Variants in PRSS3 observed in about 807,000 individuals in gnomAD.
PRSS3 encodes trypsin-3.
In PRSS3, 14 loss-of-function variants were observed where a neutral mutation model predicts 20.8. That is an observed-to-expected ratio of 0.67 (90% confidence interval 0.44 to 1.05). The LOEUF is 1.05. Ranked by LOEUF, PRSS3 falls within the 50% of genes least tolerant of loss-of-function variation. The pLI is 0.00. For missense variants in PRSS3, 237 were observed against 306.4 expected (o/e 0.77, Z 1.69); for synonymous variants, 91 against 117.6 (o/e 0.77, Z 1.46).
chr9:33,754,056 CTTCTT>C (rs977393529), intron 1 of PRSS3, among the ~76,000 whole-genome samples: 26 of 151,698 alleles, frequency 1.7e-4, no homozygotes, highest in South Asian at 2.1e-4. Context: ...TCTTTTCTCT[CTTCTT>C]TTCTTTTCTT....
intron 1 of PRSS3, among the ~76,000 whole-genome samples, chr9:33,758,756 G>C (rs979715363): frequency 2.0e-5 from 3 of 152,110 alleles, no homozygotes; most frequent in African/African-American, 7.2e-5. Context: ...AAATAGTGAT[G>C]GTACCAACAA....
intron 1 of PRSS3, among the ~76,000 whole-genome samples, chr9:33,753,348 G>GA (rs964135688): frequency 9.2e-5 from 14 of 151,626 alleles, no homozygotes; most frequent in South Asian, 6.2e-4. Flanking sequence ...GTTTTTCAAA[G>GA]AAAAAAAACG....
chr9:33,794,112 C>A (rs1319212442), upstream of PRSS3, among the ~76,000 whole-genome samples: 7 of 137,204 alleles, frequency 5.1e-5, no homozygotes, highest in Admixed American at 7.4e-5. Context: ...CCCACATTCG[C>A]ATTTTTTCCA....
chr9:33,797,320 G>A (rs953246292), intron 2 of PRSS3, among the ~76,000 whole-genome samples: 9 of 152,266 alleles, frequency 5.9e-5, no homozygotes, highest in African/African-American at 2.2e-4. Context: ...CCAAGGTTCT[G>A]ATCAGCGGGT....
rs1824948078 is a variant in PRSS3, at chr9:33,796,512, A to G, written c.41-131A>G. 19 of 1,353,114 alleles carry G rather than the reference A, an allele frequency of 1.4e-5. No individual in the cohort carries two copies. In the South Asian group the frequency reaches 2.5e-4, roughly 18 times the overall value. The allele number at this position is 1,353,114 out of a possible 1,614,324, so 83.8% of individuals were successfully genotyped here. Reference sequence around the variant, plus strand: ...TCCAGTGATGCTCACCAGGGGTGGCAGCGCTCCCTCCCTTGCCTGGCCTCA... The same window carrying G: ...TCCAGTGATGCTCACCAGGGGTGGCGGCGCTCCCTCCCTTGCCTGGCCTCA... On this transcript the variant is annotated intron_variant, in intron 1 of 4. Coordinates refer to ENST00000379405, the MANE Select transcript of PRSS3 (RefSeq NM_002771.4).
At chr9:33,770,379 G>A (rs535098153) in intron 1 of PRSS3, among the ~76,000 whole-genome samples, 15 of 152,264 alleles carry the variant, frequency 9.9e-5, no homozygotes, top group Admixed American at 3.9e-4. Context: ...TGGTTTAGAC[G>A]ATACTTACAT....
At chr9:33,787,132 T>C (rs1824445539) in intron 1 of PRSS3, among the ~76,000 whole-genome samples, 1 of 152,154 alleles carries the variant, frequency 6.6e-6, no homozygotes, top group South Asian at 2.1e-4. Flanking sequence ...ATAAAAACAA[T>C]CAGATACAGT....
chr9:33,775,253 G>A (rs1198820758), intron 1 of PRSS3, among the ~76,000 whole-genome samples: 9 of 152,024 alleles, frequency 5.9e-5, no homozygotes, highest in South Asian at 2.1e-4. Flanking sequence ...GGCTGCTCCC[G>A]TCACCCCCCA....
intron 1 of PRSS3, among the ~76,000 whole-genome samples, chr9:33,751,379 G>T (rs1288104067): frequency 6.6e-6 from 1 of 152,210 alleles, no homozygotes; most frequent in Non-Finnish European, 1.5e-5. Flanking sequence ...GGATGGAAGC[G>T]GATGTCAGGC....
intron 1 of PRSS3, among the ~76,000 whole-genome samples, chr9:33,777,044 C>G (rs1426436718): frequency 6.6e-6 from 1 of 152,056 alleles, no homozygotes; most frequent in Non-Finnish European, 1.5e-5. Flanking sequence ...AATCTTCAAA[C>G]AGCCAGAGAA....
At position 33,769,585 on chromosome 9, in the gene PRSS3, C is replaced by T. The variant is rs140595523; in HGVS notation, c.-53+18858C>T. 3.1e-3 allele frequency among the ~76,000 whole-genome samples: 477 copies of T among 152,328 alleles called. 6 individuals are homozygous for T. The highest frequency in any genetic ancestry group is 0.01 in the African/African-American group (435 of 41,570). ...AATTCTGCAGGACCAGCCAGTACAG[C>T]GATATGGCTATGATCATGAGTTATC... On this transcript the variant is annotated intron_variant, in intron 1 of 5. Transcript: ENST00000342836.
chr9:33,751,714 T>G (rs1018144388), intron 1 of PRSS3, among the ~76,000 whole-genome samples: 1 of 152,166 alleles, frequency 6.6e-6, no homozygotes, highest in African/African-American at 2.4e-5. Context: ...ACACTGATTT[T>G]ATAGAAAGGA....
At chr9:33,782,447 G>T (rs941853338) in intron 1 of PRSS3, among the ~76,000 whole-genome samples, 2 of 152,072 alleles carry the variant, frequency 1.3e-5, no homozygotes, top group African/African-American at 4.8e-5. Context: ...ATTTTAAAAA[G>T]ACTAAATATG....
rs1443244173 is a variant in PRSS3 at position 33,750,801 on chromosome 9, C to G, written c.-53+74C>G. On this transcript the variant is annotated intron_variant, in intron 1 of 5. Transcript: ENST00000342836. The surrounding 1 kb of genome is among the most constrained non-coding windows in gnomAD (Gnocchi z 4.8). ...AGGGAGAGGGAGCCCCGCCAAGGAG[C>G]GGGGCTGTGATGGAGAGGGGGTTCC... 8 of 1,406,170 alleles carry G rather than the reference C, an allele frequency of 5.7e-6. No homozygotes were observed. Among genetic ancestry groups the G allele is most frequent in the East Asian group, 2.8e-5 (1 of 35,220 alleles). 87.1% of individuals were successfully genotyped at this position (1,406,170 alleles called of 1,614,324 possible). A position where few individuals can be genotyped will look rare whatever the true frequency, so the allele number is the denominator to read the frequency against.
intron 1 of PRSS3, among the ~76,000 whole-genome samples, chr9:33,782,256 G>A (rs113050440): frequency 6.6e-5 from 10 of 152,184 alleles, no homozygotes; most frequent in African/African-American, 2.4e-4. Context: ...GGGAAAAATG[G>A]AACAGGGGGA....
chr9:33,777,476 G>T (rs1198112786), intron 1 of PRSS3, among the ~76,000 whole-genome samples: 1 of 146,246 alleles, frequency 6.8e-6, no homozygotes, highest in Non-Finnish European at 1.5e-5. Flanking sequence ...CATGAGGTCA[G>T]GAGATCGATA....
chr9:33,778,321 A>G (rs550656990), intron 1 of PRSS3, among the ~76,000 whole-genome samples: 54 of 152,184 alleles, frequency 3.5e-4, no homozygotes, highest in Non-Finnish European at 6.8e-4. Context: ...GAAGTCAATA[A>G]TGTTCACTCT....
upstream of PRSS3, among the ~76,000 whole-genome samples, chr9:33,790,585 G>A (rs1824587903): frequency 1.3e-5 from 2 of 152,112 alleles, no homozygotes; most frequent in Non-Finnish European, 2.9e-5. Context: ...TCCACTCTAC[G>A]TAAAAGCACT....
chr9:33,796,549 A>G, intron 1 of PRSS3, 94 bp from the exon 2 acceptor site: 2 of 1,528,460 alleles, frequency 1.3e-6, no homozygotes, highest in Middle Eastern at 4.1e-4. Context: ...TGGGCTTGTT[A>G]AGGATTTCTA....
Sources: gnomAD v4.1 joint callset for allele counts (sites outside exome capture counted in the v4.1 genomes callset) on GRCh38, gnomAD v4.1.1 for gene constraint, Gnocchi (gnomAD v3.1) non-coding constraint, MANE v1.5 for transcripts, NCBI Gene and HGNC (gene_info 2026-07-23, HGNC 2026-07-21) for gene names.